PLD5: variants seen among roughly 807,000 people sequenced by gnomAD.
The protein encoded by PLD5 is phospholipase D family member 5.
In PLD5, 36 loss-of-function variants were observed where a neutral mutation model predicts 61.1. The ratio of observed to expected loss-of-function variants is 0.59; its 90% CI spans 0.45 to 0.78. PLD5 has a LOEUF of 0.78. PLD5 is among the 30% of genes least tolerant of loss of function. The pLI is 0.00. For synonymous variants in PLD5, 243 were observed against 242.8 expected (o/e 1.00, Z -0.01); for missense variants, 515 against 644.4 (o/e 0.80, Z 2.17).
At chr1:242,447,378 T>C (rs1370628226) in intron 1 of PLD5, among the ~76,000 whole-genome samples, 2 of 152,210 alleles carry the variant, frequency 1.3e-5, no homozygotes, top group African/African-American at 2.4e-5. Flanking sequence ...ACATTTGCAA[T>C]GATGAGAAAC....
At chr1:242,260,956 G>T (rs901218174) in intron 4 of PLD5, among the ~76,000 whole-genome samples, 4 of 152,214 alleles carry the variant, frequency 2.6e-5, no homozygotes, top group African/African-American at 9.7e-5. Context: ...ATTCAATATT[G>T]TCCATGTCAA....
At chr1:242,320,977 C>G (rs868821990) in intron 2 of PLD5, among the ~76,000 whole-genome samples, 2 of 152,190 alleles carry the variant, frequency 1.3e-5, no homozygotes, top group South Asian at 4.1e-4. Flanking sequence ...TTCCCAAATT[C>G]TCAAAATTCC....
intron 1 of PLD5, among the ~76,000 whole-genome samples, chr1:242,393,421 T>G (rs1572045992): frequency 2.2e-5 from 1 of 45,064 alleles, no homozygotes; most frequent in East Asian, 5.4e-4. Flanking sequence ...TATATGAGTA[T>G]ATATATGTGT....
intron 5 of PLD5, among the ~76,000 whole-genome samples, chr1:242,154,123 G>C (rs1307644226): frequency 1.3e-5 from 2 of 152,174 alleles, no homozygotes; most frequent in Non-Finnish European, 2.9e-5. Context: ...GTGAATGGGA[G>C]TTCACTCATG....
chr1:242,514,222 T>C (rs1669027250), intron 1 of PLD5, among the ~76,000 whole-genome samples: 1 of 152,236 alleles, frequency 6.6e-6, no homozygotes, highest in African/African-American at 2.4e-5. Context: ...AAATAAACTC[T>C]GTCCCCAGAT....
chr1:242,109,221 G>C (rs1363525690), intron 7 of PLD5, among the ~76,000 whole-genome samples: 1 of 152,230 alleles, frequency 6.6e-6, no homozygotes, highest in Non-Finnish European at 1.5e-5. Flanking sequence ...GCTCACACCT[G>C]TCATTCCAGC....
At chr1:242,206,869 G>A (rs1243128686) in intron 5 of PLD5, among the ~76,000 whole-genome samples, 4 of 152,134 alleles carry the variant, frequency 2.6e-5, no homozygotes, top group Admixed American at 1.3e-4. Context: ...CATATAAGCA[G>A]ATCCATGCAG....
intron 1 of PLD5, among the ~76,000 whole-genome samples, chr1:242,409,529 T>C (rs1298680654): frequency 6.6e-6 from 1 of 152,134 alleles, no homozygotes; most frequent in African/African-American, 2.4e-5. Context: ...GGCTAAGTAC[T>C]GAACTGAGGT....
At chr1:242,400,908 C>A (rs779884011) in intron 1 of PLD5, among the ~76,000 whole-genome samples, 11 of 152,162 alleles carry the variant, frequency 7.2e-5, no homozygotes, top group Non-Finnish European at 1.5e-4. Flanking sequence ...ATGAAAGAAC[C>A]AGTCCTGTAG....
At chr1:242,245,519 T>C (rs763474602) in intron 4 of PLD5, among the ~76,000 whole-genome samples, 1 of 152,174 alleles carries the variant, frequency 6.6e-6, no homozygotes, top group Non-Finnish European at 1.5e-5. Flanking sequence ...AAGCAGAAGT[T>C]TGGCTTCAGG....
rs1673724933 is a variant in PLD5, at chr1:242,267,090, C to A, written c.496-1642G>T. Among the ~76,000 whole-genome samples, 3 of 150,248 alleles carry A rather than the reference C, an allele frequency of 2.0e-5. No homozygotes were observed. The Admixed American group carries it at 2.0e-4, about 10-fold the overall frequency. ...TGAGATCACGCCACTGAACTCCAGC[C>A]TGGGCGACAGAGTGAGACTCCATCA... On this transcript the variant is annotated intron_variant, in intron 3 of 9. Coordinates refer to ENST00000536534, the MANE Select transcript of PLD5 (RefSeq NM_001372062.1).
rs1663439134 is a variant in PLD5, at chr1:242,394,998, T to TATATATGAATATATATGA, written c.190-46774_190-46757dup. Among the ~76,000 whole-genome samples, 3 of 62,314 alleles carry TATATATGAATATATATGA rather than the reference T, an allele frequency of 4.8e-5. No homozygotes were observed. The East Asian group carries it at 9.7e-4, about 20-fold the overall frequency. 40.9% of individuals were successfully genotyped at this position (62,314 alleles called of 152,430 possible). A position where few individuals can be genotyped will look rare whatever the true frequency, so the allele number is the denominator to read the frequency against. ...ATATGAATATATATGAATATATATG[T>TATATATGAATATATATGA]ATATATGAATATATATGAATATATA... is the stretch of plus-strand genomic sequence containing the variant. On this transcript the variant is annotated intron_variant, in intron 1 of 9. Coordinates refer to ENST00000536534, the MANE Select transcript of PLD5 (RefSeq NM_001372062.1).
chr1:242,261,245 CAAT>C (rs1200979417), intron 4 of PLD5, among the ~76,000 whole-genome samples: 1 of 152,176 alleles, frequency 6.6e-6, no homozygotes, highest in Admixed American at 6.5e-5. Context: ...TAATTTTTAA[CAAT>C]GATGCCTCGA....
chr1:242,127,005 C>T (rs1230090919), intron 5 of PLD5, among the ~76,000 whole-genome samples: 2 of 152,144 alleles, frequency 1.3e-5, no homozygotes, highest in Non-Finnish European at 2.9e-5. Context: ...CATGGGTAGA[C>T]AATTCTCAAA....
chr1:242,113,383 G>T (rs865991549), intron 7 of PLD5, among the ~76,000 whole-genome samples: 3 of 152,102 alleles, frequency 2.0e-5, no homozygotes, highest in African/African-American at 7.2e-5. Flanking sequence ...GTGAGCCACC[G>T]CACATGGCCT....
chr1:242,126,067 G>A (rs568216645), intron 5 of PLD5, among the ~76,000 whole-genome samples: 2 of 152,276 alleles, frequency 1.3e-5, no homozygotes, highest in South Asian at 4.1e-4. Flanking sequence ...TAAGTGAAAG[G>A]AGATAGAGCA....
At chr1:242,456,884 G>T (rs775810418) in intron 1 of PLD5, among the ~76,000 whole-genome samples, 1 of 152,012 alleles carries the variant, frequency 6.6e-6, no homozygotes, top group African/African-American at 2.4e-5. Flanking sequence ...CACTGCGTCC[G>T]TAACACTATT....
chr1:242,114,949 GC>G (rs1661823979), intron 6 of PLD5, among the ~76,000 whole-genome samples: 1 of 152,174 alleles, frequency 6.6e-6, no homozygotes, highest in Non-Finnish European at 1.5e-5. Context: ...GGCTGAGGTG[GC>G]CGGATCACCT....
intron 5 of PLD5, among the ~76,000 whole-genome samples, chr1:242,158,125 T>C (rs1013530995): frequency 6.6e-6 from 1 of 152,186 alleles, no homozygotes; most frequent in Non-Finnish European, 1.5e-5. Flanking sequence ...AACCACCTAA[T>C]CAAGCCTCAG....
Sources: allele counts gnomAD v4.1 joint callset (sites outside exome capture counted in the v4.1 genomes callset), GRCh38; gene constraint gnomAD v4.1.1; transcripts MANE v1.5; gene names NCBI Gene and HGNC (gene_info 2026-07-23, HGNC 2026-07-21).